The following CRIM1 variants were observed in gnomAD, a reference collection of about 807,000 sequenced individuals.
CRIM1 encodes cysteine rich transmembrane BMP regulator 1.
A neutral mutation model predicts 116.4 loss-of-function variants in CRIM1; 32 were observed. The ratio of observed to expected loss-of-function variants is 0.27; its 90% CI spans 0.21 to 0.37. CRIM1 has a LOEUF of 0.37. Ranked by LOEUF, CRIM1 falls within the 10% of genes least tolerant of loss-of-function variation. The probability of loss-of-function intolerance (pLI) is 1.00; values close to 1 mark genes in which losing one functional copy is unlikely to be tolerated. For synonymous variants in CRIM1, 590 were observed against 509.2 expected, an observed-to-expected ratio of 1.16 and a Z score of -2.13; for missense variants, 1,331 against 1,354.8, an observed-to-expected ratio of 0.98 and a Z score of 0.28.
intron 15 of CRIM1, among the ~76,000 whole-genome samples, chr2:36,545,521 T>C (rs1428648774): frequency 6.6e-6 from 1 of 152,190 alleles, no homozygotes; most frequent in African/African-American, 2.4e-5. Context: ...AATTTTCTCA[T>C]GCATCAATAG....
chr2:36,499,176 AT>A (rs1680809856), intron 7 of CRIM1, 42 bp from the exon 8 acceptor site: 1 of 1,492,502 alleles, frequency 6.7e-7, no homozygotes, highest in Non-Finnish European at 9.3e-7. Flanking sequence ...CTAAAAGGTA[AT>A]CATATGTTTC....
chr2:36,433,133 G>T (rs1258919054), intron 2 of CRIM1, among the ~76,000 whole-genome samples: 1 of 152,132 alleles, frequency 6.6e-6, no homozygotes, highest in Non-Finnish European at 1.5e-5. Context: ...TCACTTTAGA[G>T]CAGTTCATCT....
Position 36,476,991 on chromosome 2 carries a change from T to C in CRIM1, c.1094T>C (p.Ile365Thr), listed in dbSNP as rs371994744. Residue 365 changes from isoleucine to threonine, a missense_variant, in exon 6 of 17, where the codon ATC becomes ACC. Ile to Thr is a moderately conservative substitution (Grantham distance 89). Transcript: ENST00000280527. ...TGTCGATGCCAAGGGGGCGTTGCCA[T>C]CTGCTTCACCGCCCAGTGTGGTGAG... is the stretch of plus-strand genomic sequence containing the variant. ...RFCRCQGGVA[I>T]CFTAQCGEIN... 6.2e-7 allele frequency: 1 copy of C among 1,614,140 alleles called. No homozygotes were observed. Among genetic ancestry groups the C allele is most frequent in the Non-Finnish European group, 8.5e-7 (1 of 1,179,958 alleles).
At chr2:36,547,219 C>G (rs1344830727) in intron 16 of CRIM1, 48 bp downstream of exon 16, 1 of 1,463,036 alleles carries the variant, frequency 6.8e-7, no homozygotes, top group Non-Finnish European at 9.5e-7. Flanking sequence ...TCTAGGAAAA[C>G]TTACACTCAT....
At chr2:36,514,202 T>C (rs565986227) in intron 11 of CRIM1, among the ~76,000 whole-genome samples, 2 of 152,228 alleles carry the variant, frequency 1.3e-5, no homozygotes, top group Non-Finnish European at 2.9e-5. Flanking sequence ...TTTTGAAGTC[T>C]GTGGCTATTG....
intron 4 of CRIM1, among the ~76,000 whole-genome samples, chr2:36,444,656 T>C (rs1490362594): frequency 1.3e-5 from 2 of 152,232 alleles, no homozygotes; most frequent in African/African-American, 4.8e-5. Flanking sequence ...CTGTAAATTA[T>C]TTGCAGAGAA....
chr2:36,509,861 A>G (rs1233178653), intron 8 of CRIM1, 122 bp from the exon 9 acceptor site: 6 of 803,594 alleles, frequency 7.5e-6, no homozygotes, highest in Non-Finnish European at 8.0e-6. Context: ...AACCAGTGCC[A>G]TGGTAGAGCT....
At chr2:36,498,942 G>A (rs534702805) in intron 7 of CRIM1, among the ~76,000 whole-genome samples, 1 of 152,370 alleles carries the variant, frequency 6.6e-6, no homozygotes, top group Non-Finnish European at 1.5e-5. Context: ...TCTGCTTCCA[G>A]TAGTGGTGAC....
intron 1 of CRIM1, among the ~76,000 whole-genome samples, chr2:36,363,859 A>G (rs1343897357): frequency 6.6e-6 from 1 of 152,150 alleles, no homozygotes; most frequent in Non-Finnish European, 1.5e-5. Context: ...CATGGGGGCT[A>G]TGGTTCCAAC....
In CRIM1 at chr2:36,356,994, C is replaced by T. The variant is rs556577056; in HGVS notation, c.331+371C>T. ...TGCAGATTCTGCCGCGCGCGAGCCC[C>T]TCGGGGAGCCCGGCCCTACCGCCCT... On this transcript the variant is annotated intron_variant, in intron 1 of 16. Transcript: ENST00000280527. This position sits in a 1 kb window ranked among gnomAD's most constrained non-coding sequence, Gnocchi z 4.3. Among the ~76,000 whole-genome samples the T allele has an allele frequency of 6.6e-6, 1 of 152,280 alleles. No individual in the cohort carries two copies. Among genetic ancestry groups the T allele is most frequent in the East Asian group, 1.9e-4 (1 of 5,148 alleles).
At chr2:36,505,863 C>T (rs997436575) in intron 8 of CRIM1, among the ~76,000 whole-genome samples, 1 of 152,180 alleles carries the variant, frequency 6.6e-6, no homozygotes, top group Non-Finnish European at 1.5e-5. Flanking sequence ...GGAGCACCTC[C>T]TTCTGCCATG....
In CRIM1 at chr2:36,491,617, T is replaced by C. The variant is rs889706963; in HGVS notation, c.1373-7602T>C. Reference sequence around the variant, plus strand: ...TCGTTTTCCCGTTTTGTTCATTCATTGAGCAGTTCTATAGACCAAACTGTA... The same window carrying C: ...TCGTTTTCCCGTTTTGTTCATTCATCGAGCAGTTCTATAGACCAAACTGTA... On this transcript the variant is annotated intron_variant, in intron 7 of 16. Transcript: ENST00000280527. Among the ~76,000 whole-genome samples, 17 of 152,338 alleles carry C rather than the reference T, an allele frequency of 1.1e-4. No homozygotes were observed. In the East Asian group the frequency reaches 3.3e-3, roughly 29 times the overall value.
At chr2:36,530,384 G>A (rs1337812953) in intron 13 of CRIM1, among the ~76,000 whole-genome samples, 1 of 151,922 alleles carries the variant, frequency 6.6e-6, no homozygotes. Context: ...TCTTCTTTAT[G>A]TTTTTTAAAA....
At chr2:36,464,979 G>A (rs956194199) in intron 5 of CRIM1, among the ~76,000 whole-genome samples, 3 of 152,168 alleles carry the variant, frequency 2.0e-5, no homozygotes, top group African/African-American at 7.2e-5. Flanking sequence ...TTTTCCTGCT[G>A]TCACTCAGTA....
At chr2:36,389,099 T>A (rs1267221468) in intron 1 of CRIM1, among the ~76,000 whole-genome samples, 2 of 152,274 alleles carry the variant, frequency 1.3e-5, no homozygotes, top group African/African-American at 4.8e-5. Context: ...ATGCTTAAAA[T>A]TTTTTCACTT....
chr2:36,511,479 T>C (rs760515914), intron 9 of CRIM1, among the ~76,000 whole-genome samples: 12 of 152,196 alleles, frequency 7.9e-5, no homozygotes, highest in Admixed American at 2.0e-4. Context: ...TGTCTTAGCC[T>C]AACTGCTCAT....
intron 1 of CRIM1, among the ~76,000 whole-genome samples, chr2:36,357,099 C>T (rs763949901): frequency 6.6e-6 from 1 of 152,198 alleles, no homozygotes; most frequent in African/African-American, 2.4e-5. Context: ...GGAGACGTGT[C>T]TCCAGCTCGC....
chr2:36,545,106 G>A (rs895710158), intron 15 of CRIM1, among the ~76,000 whole-genome samples: 2 of 152,152 alleles, frequency 1.3e-5, no homozygotes, highest in African/African-American at 4.8e-5. Context: ...TTGATCAGTA[G>A]TATAAACTTG....
chr2:36,356,272 A>AGGCGGC lies in CRIM1; in HGVS notation c.-13_-8dup. 2 of 1,339,162 alleles carry AGGCGGC rather than the reference A, an allele frequency of 1.5e-6. No individual in the cohort carries two copies. The highest frequency in any genetic ancestry group is 2.0e-6 in the Non-Finnish European group (2 of 1,020,024). The allele number at this position is 1,339,162 out of a possible 1,614,324, so 83.0% of individuals were successfully genotyped here. ...CGCTCCCGGCCCGGCTGCGAGGAGG[A>AGGCGGC]GGCGGCGGCGGCGCAGGAGGATGTA... On this transcript the variant is annotated 5_prime_UTR_variant, in exon 1 of 17. Transcript: ENST00000280527. This position sits in a 1 kb window ranked among gnomAD's most constrained non-coding sequence, Gnocchi z 4.3.
Sources: gnomAD v4.1 joint callset for allele counts (sites outside exome capture counted in the v4.1 genomes callset) on GRCh38, gnomAD v4.1.1 for gene constraint, Gnocchi (gnomAD v3.1) non-coding constraint, MANE v1.5 for transcripts, NCBI Gene and HGNC (gene_info 2026-07-23, HGNC 2026-07-21) for gene names.